The following PIK3C2G variants were observed in gnomAD, a reference collection of about 807,000 sequenced individuals.
PIK3C2G encodes the protein phosphatidylinositol 3-kinase C2 domain-containing subunit gamma.
Under a neutral mutation model 181.1 loss-of-function variants are expected in PIK3C2G, and 168 were observed. The observed-to-expected ratio is 0.93, with a 90% CI of 0.82 to 1.05. The LOEUF is 1.05. Among genes scored for constraint, PIK3C2G ranks in the 50% least tolerant of loss-of-function variants. The pLI is 0.00. For synonymous variants in PIK3C2G, 573 were observed against 592.2 expected (o/e 0.97, Z 0.47); for missense variants, 1,869 against 1,732.8 (o/e 1.08, Z -1.40).
chr12:18,424,999 G>T (rs1014008203), intron 18 of PIK3C2G: 1 of 177,492 alleles, frequency 5.6e-6, no homozygotes, highest in Non-Finnish European at 1.2e-5. Flanking sequence ...AGATGGAAGA[G>T]AAAGATGAGG....
At chr12:18,354,144 T>G (rs967343862) in intron 11 of PIK3C2G, among the ~76,000 whole-genome samples, 4 of 152,194 alleles carry the variant, frequency 2.6e-5, no homozygotes, top group Admixed American at 1.3e-4. Context: ...TCTAGGAGAG[T>G]TCAAATACTT....
chr12:18,440,075 G>A (rs749824201), intron 18 of PIK3C2G, among the ~76,000 whole-genome samples: 1 of 151,816 alleles, frequency 6.6e-6, no homozygotes, highest in Non-Finnish European at 1.5e-5. Context: ...ATTTTTACAG[G>A]ACTCATTTTT....
At chr12:18,356,884 G>A (rs1193257015) in intron 11 of PIK3C2G, among the ~76,000 whole-genome samples, 1 of 111,394 alleles carries the variant, frequency 9.0e-6, no homozygotes, top group South Asian at 3.4e-4. Context: ...TGGGGCGGGG[G>A]GTGGGCCAAA....
chr12:18,337,734 C>T (rs57238104), intron 8 of PIK3C2G, among the ~76,000 whole-genome samples: 12,040 of 152,172 alleles, frequency 0.079, 884 homozygotes, highest in Admixed American at 0.23. Context: ...CCCTGTGACC[C>T]AATGCCTCCC....
intron 18 of PIK3C2G, among the ~76,000 whole-genome samples, chr12:18,473,414 T>G (rs1938643800): frequency 6.6e-6 from 1 of 152,192 alleles, no homozygotes; most frequent in African/African-American, 2.4e-5. Flanking sequence ...AAATGCCCTG[T>G]GTATCTGGAC....
intron 32 of PIK3C2G, among the ~76,000 whole-genome samples, chr12:18,643,634 C>A (rs1281343182): frequency 6.6e-6 from 1 of 151,688 alleles, no homozygotes; most frequent in African/African-American, 2.4e-5. Context: ...TCTGATTTTA[C>A]TGTCTCTTGC....
chr12:18,341,327 GA>G (rs1939120730), intron 9 of PIK3C2G, among the ~76,000 whole-genome samples: 1 of 152,020 alleles, frequency 6.6e-6, no homozygotes, highest in Non-Finnish European at 1.5e-5. Context: ...TAATACTCAA[GA>G]AAAACTCATC....
intron 6 of PIK3C2G, chr12:18,319,935 G>A (rs1951033282): frequency 1.3e-5 from 2 of 152,122 alleles, no homozygotes; most frequent in African/African-American, 4.8e-5. Context: ...ATTCTACATA[G>A]TGTTTCTTTT....
the PIK3C2G span, chr12:18,693,892 G>A: frequency 1.3e-6 from 2 of 1,530,510 alleles, no homozygotes; most frequent in Admixed American, 3.3e-5. Context: ...CAAGCAGGAT[G>A]ACGCTGGCTG....
intron 20 of PIK3C2G, among the ~76,000 whole-genome samples, chr12:18,492,485 A>G (rs1352917481): frequency 1.3e-5 from 2 of 152,242 alleles, no homozygotes; most frequent in Non-Finnish European, 2.9e-5. Flanking sequence ...ACATAACAAA[A>G]TAAGGCTTCA....
the PIK3C2G span, among the ~76,000 whole-genome samples, chr12:18,694,333 A>G: frequency 6.6e-6 from 1 of 152,184 alleles, no homozygotes; most frequent in African/African-American, 2.4e-5. Flanking sequence ...ACAAACAAAA[A>G]AGCTCTCCCA....
intron 8 of PIK3C2G, among the ~76,000 whole-genome samples, chr12:18,327,798 T>G (rs566540339): frequency 6.6e-6 from 1 of 152,100 alleles, no homozygotes; most frequent in South Asian, 2.1e-4. Context: ...TCATGCAAAT[T>G]ATGAAACTGT....
intron 5 of PIK3C2G, among the ~76,000 whole-genome samples, chr12:18,310,219 A>G (rs773204560): frequency 6.6e-6 from 1 of 151,914 alleles, no homozygotes; most frequent in Non-Finnish European, 1.5e-5. Context: ...AAGAAAGTAC[A>G]ATAGGCAATT....
At chr12:18,508,531 G>A (rs1324272219) in intron 24 of PIK3C2G, among the ~76,000 whole-genome samples, 1 of 152,028 alleles carries the variant, frequency 6.6e-6, no homozygotes, top group East Asian at 1.9e-4. Flanking sequence ...TAGGATAAAT[G>A]AAAGTGCTTA....
chr12:18,499,183 A>G (rs1941234791), intron 22 of PIK3C2G, among the ~76,000 whole-genome samples: 1 of 152,238 alleles, frequency 6.6e-6, no homozygotes, highest in Non-Finnish European at 1.5e-5. Flanking sequence ...TCGCAAGACA[A>G]AAGTTATTTT....
intron 3 of PIK3C2G, 63 bp downstream of exon 3, chr12:18,286,992 A>G (rs534468742): frequency 1.5e-6 from 1 of 649,664 alleles, no homozygotes; most frequent in Non-Finnish European, 2.5e-6. Flanking sequence ...GTGTATTTTG[A>G]CATCACTGAA....
chr12:18,507,612 G>GT (rs1941918949), intron 24 of PIK3C2G, among the ~76,000 whole-genome samples: 1 of 152,084 alleles, frequency 6.6e-6, no homozygotes, highest in Non-Finnish European at 1.5e-5. Flanking sequence ...TCATGTAACA[G>GT]TTTTTTCCTG....
At chr12:18,428,601 A>T (rs1490497148) in intron 18 of PIK3C2G, among the ~76,000 whole-genome samples, 2 of 152,176 alleles carry the variant, frequency 1.3e-5, no homozygotes, top group Admixed American at 6.5e-5. Flanking sequence ...GCCTCACCAG[A>T]TACTGAGCTA....
intron 26 of PIK3C2G, among the ~76,000 whole-genome samples, chr12:18,551,990 T>C (rs1175961991): frequency 6.6e-6 from 1 of 152,132 alleles, no homozygotes; most frequent in Non-Finnish European, 1.5e-5. Flanking sequence ...ATTCTTATCA[T>C]AGGCCACCCT....
Sources: gnomAD v4.1 joint callset for allele counts (sites outside exome capture counted in the v4.1 genomes callset) on GRCh38, gnomAD v4.1.1 for gene constraint, MANE v1.5 for transcripts, NCBI Gene and HGNC (gene_info 2026-07-23, HGNC 2026-07-21) for gene names.